CWC27: variants seen among roughly 807,000 people sequenced by gnomAD.
CWC27 encodes the protein CWC27 spliceosome associated cyclophilin.
A neutral mutation model predicts 63.6 loss-of-function variants in CWC27; 47 were observed. That is an observed-to-expected ratio of 0.74 (90% CI 0.58 to 0.94). The LOEUF is 0.94. Ranked by LOEUF, CWC27 falls within the 40% of genes least tolerant of loss-of-function variation. The pLI, the probability that CWC27 is intolerant of heterozygous loss-of-function variation, is 0.00. For missense variants in CWC27, 495 were observed against 554.3 expected (o/e 0.89, Z 1.07); for synonymous variants, 175 against 179.8 (o/e 0.97, Z 0.22).
Position 64,971,783 on chromosome 5 carries a change from T to C in CWC27, c.1123T>C (p.Ser375Pro), listed in dbSNP as rs757684818. The C allele has an allele frequency of 6.2e-7, 1 of 1,611,022 alleles. No individual in the cohort carries two copies. Among genetic ancestry groups the C allele is most frequent in the South Asian group, 1.1e-5 (1 of 90,436 alleles). The change falls in exon 12 of 14, where the codon TCA (serine) becomes CCA (proline). Residue 375 changes from serine (S) to proline (P), a missense_variant. Physicochemically the swap from Ser to Pro is moderately conservative, Grantham distance 74. Around this residue, in one of 3 missense-constraint regions of CWC27, gnomAD observed 463 missense variants for 498.1 expected, o/e 0.93. Coordinates refer to ENST00000381070, the MANE Select transcript of CWC27 (RefSeq NM_005869.4). ...GTATGAAGCTTTGAGGAAGCAACAGTCAAAGAAGGGAACTTCCCGGGAAGA... is the reference window on the plus strand; with the variant it reads ...GTATGAAGCTTTGAGGAAGCAACAGCCAAAGAAGGGAACTTCCCGGGAAGA... ...QKYEALRKQQSKKGTSREDQT... is the reference protein window; with the variant it reads ...QKYEALRKQQPKKGTSREDQT...
At chr5:64,919,110 A>T (rs1195389808) in intron 11 of CWC27, among the ~76,000 whole-genome samples, 1 of 152,206 alleles carries the variant, frequency 6.6e-6, no homozygotes, top group Non-Finnish European at 1.5e-5. Context: ...TACAATTTAA[A>T]ACATTATAAT....
At chr5:64,901,992 G>C (rs1561149310) in intron 11 of CWC27, among the ~76,000 whole-genome samples, 1 of 152,110 alleles carries the variant, frequency 6.6e-6, no homozygotes, top group Non-Finnish European at 1.5e-5. Flanking sequence ...GCAATAACAT[G>C]TATGAAGCTG....
chr5:64,883,566 A>T (rs1746996789), intron 10 of CWC27, among the ~76,000 whole-genome samples: 1 of 152,176 alleles, frequency 6.6e-6, no homozygotes, highest in Admixed American at 6.5e-5. Flanking sequence ...CCTGACTGGG[A>T]TAGAATTCTA....
At chr5:64,907,517 T>A (rs1361059166) in intron 11 of CWC27, among the ~76,000 whole-genome samples, 4 of 152,242 alleles carry the variant, frequency 2.6e-5, no homozygotes, top group Non-Finnish European at 5.9e-5. Context: ...TGACTTTGTA[T>A]CCTGAGACTT....
intron 11 of CWC27, among the ~76,000 whole-genome samples, chr5:64,921,400 T>C (rs1031119752): frequency 6.6e-6 from 1 of 152,130 alleles, no homozygotes; most frequent in African/African-American, 2.4e-5. Flanking sequence ...GAGAAGAATG[T>C]ATATTCTGGT....
intron 11 of CWC27, among the ~76,000 whole-genome samples, chr5:64,916,557 G>C (rs770305483): frequency 6.6e-6 from 1 of 152,128 alleles, no homozygotes; most frequent in African/African-American, 2.4e-5. Context: ...AGCCTTCAGT[G>C]CAGAAACTCT....
At chr5:64,916,108 G>A (rs1261422473) in intron 11 of CWC27, among the ~76,000 whole-genome samples, 1 of 152,054 alleles carries the variant, frequency 6.6e-6, no homozygotes, top group Non-Finnish European at 1.5e-5. Context: ...AATAACCCAA[G>A]TTTAATATGC....
At chr5:64,995,008 ATTT>A (rs72205192) in intron 13 of CWC27, among the ~76,000 whole-genome samples, 6 of 129,960 alleles carry the variant, frequency 4.6e-5, no homozygotes, top group Admixed American at 7.7e-5. Context: ...AAGCTCTGAA[ATTT>A]TTTTTTTTTT....
intron 11 of CWC27, among the ~76,000 whole-genome samples, chr5:64,903,831 A>T (rs1365336920): frequency 6.6e-6 from 1 of 152,116 alleles, no homozygotes; most frequent in Non-Finnish European, 1.5e-5. Context: ...TCGTGCATTA[A>T]TTTTTTTGTG....
At chr5:64,787,454 A>G (rs1245509163) in intron 6 of CWC27, among the ~76,000 whole-genome samples, 4 of 152,108 alleles carry the variant, frequency 2.6e-5, no homozygotes, top group Admixed American at 6.6e-5. Flanking sequence ...ACTCAGTATA[A>G]ATAGAAAGTA....
At chr5:64,819,062 G>A (rs966761018) in intron 10 of CWC27, among the ~76,000 whole-genome samples, 1 of 152,094 alleles carries the variant, frequency 6.6e-6, no homozygotes, top group Non-Finnish European at 1.5e-5. Flanking sequence ...GGTGAATAAA[G>A]GCAAATAAAG....
intron 11 of CWC27, among the ~76,000 whole-genome samples, chr5:64,887,430 C>T (rs574064159): frequency 2.4e-4 from 36 of 152,076 alleles, no homozygotes; most frequent in Admixed American, 3.9e-4. Flanking sequence ...TGTGGTGGCG[C>T]GATCTTGGCT....
chr5:64,966,341 CAAAG>C (rs1749012305), intron 11 of CWC27, among the ~76,000 whole-genome samples: 2 of 152,160 alleles, frequency 1.3e-5, no homozygotes, highest in Non-Finnish European at 2.9e-5. Flanking sequence ...TCACTTAAAA[CAAAG>C]AAAAACATAT....
chr5:64,970,313 C>T (rs1749098269), intron 11 of CWC27, among the ~76,000 whole-genome samples: 2 of 151,426 alleles, frequency 1.3e-5, no homozygotes, highest in Non-Finnish European at 2.9e-5. Flanking sequence ...CCCGGGTTCA[C>T]GCCATTCTCC....
chr5:64,791,044 C>T (rs1744061271), intron 7 of CWC27, among the ~76,000 whole-genome samples: 1 of 152,096 alleles, frequency 6.6e-6, no homozygotes, highest in African/African-American at 2.4e-5. Flanking sequence ...AGAAATTTCA[C>T]TGGTAGCGTA....
rs571535960 is a variant in CWC27, at chr5:64,953,569, A to G, written c.1043-18134A>G. Among the ~76,000 whole-genome samples, 9 of 152,264 alleles carry G rather than the reference A, an allele frequency of 5.9e-5. No homozygotes were observed. In the South Asian group the frequency reaches 1.9e-3, roughly 32 times the overall value. On this transcript the variant is annotated intron_variant, in intron 11 of 13. Transcript: ENST00000381070. ...AGAAATTTTTCACCTCACCGAGAAGAAAGTGTAAGATTGCTTTAGTGACTA... is the reference window on the plus strand; with the variant it reads ...AGAAATTTTTCACCTCACCGAGAAGGAAGTGTAAGATTGCTTTAGTGACTA...
chr5:64,871,120 T>C (rs544640277), intron 10 of CWC27, among the ~76,000 whole-genome samples: 74 of 152,232 alleles, frequency 4.9e-4, no homozygotes, highest in African/African-American at 1.8e-3. Context: ...CTTTAGGCAA[T>C]CTCAAAGAAT....
chr5:64,830,005 T>G (rs1745473793), intron 10 of CWC27, among the ~76,000 whole-genome samples: 1 of 148,476 alleles, frequency 6.7e-6, no homozygotes, highest in South Asian at 2.2e-4. Context: ...TATGCCATTT[T>G]TTTTTCTTTT....
At chr5:64,971,868 G>A in intron 12 of CWC27, 56 bp downstream of exon 12, 1 of 1,179,820 alleles carries the variant, frequency 8.5e-7, no homozygotes, top group Non-Finnish European at 1.2e-6. Context: ...TTGTTTTTAA[G>A]TGTTTCTAAA....
Sources: allele counts gnomAD v4.1 joint callset (sites outside exome capture counted in the v4.1 genomes callset), GRCh38; gene constraint gnomAD v4.1.1; regional missense constraint gnomAD v4.1.1; transcripts MANE v1.5; gene names NCBI Gene and HGNC (gene_info 2026-07-23, HGNC 2026-07-21).